EPB41L4B: variants seen among roughly 807,000 people sequenced by gnomAD.
The protein encoded by EPB41L4B is erythrocyte membrane protein band 4.1 like 4B, also known as band 4.1-like protein 4B.
In EPB41L4B, 30 loss-of-function variants were observed where a neutral mutation model predicts 112.5. The observed-to-expected ratio is 0.27, with a 90% CI of 0.20 to 0.36. EPB41L4B has a LOEUF of 0.36. Ranked by LOEUF, EPB41L4B falls within the 10% of genes least tolerant of loss-of-function variation. EPB41L4B has a pLI of 1.00. For synonymous variants in EPB41L4B, 408 were observed against 439.7 expected (o/e 0.93, Z 0.90); for missense variants, 1,024 against 1,133.3 (o/e 0.90, Z 1.38).
intron 15 of EPB41L4B, chr9:109,240,140 T>A (rs369216973): frequency 4.1e-6 from 4 of 984,968 alleles, no homozygotes; most frequent in Non-Finnish European, 3.6e-6. Flanking sequence ...TTAAAAAAAA[T>A]GAAGATGGAG....
intron 7 of EPB41L4B, among the ~76,000 whole-genome samples, chr9:109,257,187 T>C (rs1383146683): frequency 1.3e-5 from 2 of 152,096 alleles, no homozygotes; most frequent in Non-Finnish European, 2.9e-5. Context: ...TCCACTAAAA[T>C]AGTCACAGGA....
At chr9:109,243,212 CAAAAA>C (rs58092749) in intron 15 of EPB41L4B, among the ~76,000 whole-genome samples, 4 of 52,278 alleles carry the variant, frequency 7.7e-5, no homozygotes, top group Non-Finnish European at 1.2e-4. Flanking sequence ...CCCACCCCCG[CAAAAA>C]AAAAAAAAAA....
At chr9:109,288,740 A>AAAAAAAAAAAAAAAAAAAAC (rs1836404602) in intron 1 of EPB41L4B, among the ~76,000 whole-genome samples, 1 of 144,344 alleles carries the variant, frequency 6.9e-6, no homozygotes, top group Admixed American at 7.0e-5. Context: ...AAAAAAAAAA[A>AAAAAAAAAAAAAAAAAAAAC]AAAAAAAAAA....
At chr9:109,263,552 T>C (rs370120340) in intron 5 of EPB41L4B, among the ~76,000 whole-genome samples, 1 of 152,372 alleles carries the variant, frequency 6.6e-6, no homozygotes. Context: ...ACTGCCAGCA[T>C]GGCTGGATAC....
chr9:109,262,111 C>T (rs4978786), intron 6 of EPB41L4B, among the ~76,000 whole-genome samples: 71,371 of 151,990 alleles, frequency 0.47, 17,015 homozygotes, highest in East Asian at 0.67. Flanking sequence ...CACAGATAAA[C>T]GGCCAATGCT....
intron 11 of EPB41L4B, among the ~76,000 whole-genome samples, chr9:109,254,170 G>A (rs1021428293): frequency 2.0e-5 from 3 of 152,166 alleles, no homozygotes; most frequent in Non-Finnish European, 4.4e-5. Flanking sequence ...TACACTTCCA[G>A]AGGAGCAGAA....
rs77585438 is a variant in EPB41L4B, at chr9:109,282,038, C to T, written c.307-2117G>A. The stretch of plus-strand genomic sequence containing the variant: ...ATCAACAAAAGACAGTATAACTGTA[C>T]AATGGACTATCATTTGGCCGTAAAA... On this transcript the variant is annotated intron_variant, in intron 1 of 25. Coordinates refer to ENST00000374566, the MANE Select transcript of EPB41L4B (RefSeq NM_019114.5). 6.1e-3 allele frequency among the ~76,000 whole-genome samples: 930 copies of T among 152,256 alleles called. 11 individuals are homozygous for T. Among genetic ancestry groups the T allele is most frequent in the Middle Eastern group, 0.031 (9 of 294 alleles).
chr9:109,278,622 A>G (rs1010548562), intron 2 of EPB41L4B, among the ~76,000 whole-genome samples: 1 of 152,108 alleles, frequency 6.6e-6, no homozygotes, highest in Non-Finnish European at 1.5e-5. Flanking sequence ...AAACATCCTG[A>G]TCAGGGAACC....
intron 9 of EPB41L4B, 82 bp downstream of exon 9, chr9:109,256,054 A>G (rs987179801): frequency 1.8e-5 from 23 of 1,304,816 alleles, no homozygotes; most frequent in Non-Finnish European, 2.1e-5. Flanking sequence ...TGTTGCAGAT[A>G]CCCCTCAATA....
chr9:109,282,143 G>A (rs1836088542), intron 1 of EPB41L4B, among the ~76,000 whole-genome samples: 1 of 152,154 alleles, frequency 6.6e-6, no homozygotes, highest in Non-Finnish European at 1.5e-5. Flanking sequence ...CAGACACAAG[G>A]AGCCACCACA....
intron 20 of EPB41L4B, among the ~76,000 whole-genome samples, chr9:109,195,231 G>A (rs991374231): frequency 7.9e-5 from 12 of 152,188 alleles, no homozygotes; most frequent in African/African-American, 2.9e-4. Context: ...TTAGAATGAT[G>A]GCTGAGCTCA....
chr9:109,310,130 A>G (rs1047445969), intron 1 of EPB41L4B, among the ~76,000 whole-genome samples: 4 of 152,166 alleles, frequency 2.6e-5, no homozygotes, highest in African/African-American at 4.8e-5. Flanking sequence ...TCCACACAGG[A>G]TCAATTCCAG....
chr9:109,245,756 C>T (rs530365574), intron 14 of EPB41L4B, among the ~76,000 whole-genome samples: 2 of 152,294 alleles, frequency 1.3e-5, no homozygotes, highest in South Asian at 2.1e-4. Flanking sequence ...CTTCTCAGGA[C>T]GTTCTCTTCC....
At chr9:109,182,901 G>GC (rs1459355709) in intron 23 of EPB41L4B, 104 bp from the exon 24 acceptor site, 2 of 777,630 alleles carry the variant, frequency 2.6e-6, no homozygotes, top group East Asian at 2.6e-5. Context: ...ATTCAGGGGT[G>GC]CCCCCGCAGA....
In EPB41L4B at chr9:109,174,505, A is replaced by G. The variant is rs752085930; in HGVS notation, c.*49T>C. 2.6e-6 allele frequency: 4 copies of G among 1,529,710 alleles called. No individual in the cohort carries two copies. Among genetic ancestry groups the G allele is most frequent in the Non-Finnish European group, 3.6e-6 (4 of 1,103,058 alleles). The allele number at this position is 1,529,710 out of a possible 1,614,324, so 94.8% of individuals were successfully genotyped here. A position where few individuals can be genotyped will look rare whatever the true frequency, so the allele number is the denominator to read the frequency against. On this transcript the variant is annotated 3_prime_UTR_variant, in exon 26 of 26. Transcript: ENST00000374566. ...TGAGCACACAAAGCCCGAAGAAAGA[A>G]GACGGACAGAAGGCACCATGCCATC...
At chr9:109,272,122 C>T (rs2119101566) in intron 2 of EPB41L4B, among the ~76,000 whole-genome samples, 1 of 152,252 alleles carries the variant, frequency 6.6e-6, no homozygotes, top group South Asian at 2.1e-4. Context: ...TGACGAAACT[C>T]ATAACGGGAT....
At chr9:109,224,064 C>CAA (rs1833681885) in intron 15 of EPB41L4B, among the ~76,000 whole-genome samples, 1 of 150,406 alleles carries the variant, frequency 6.6e-6, no homozygotes, top group African/African-American at 2.5e-5. Flanking sequence ...ATAAAATAAA[C>CAA]CAGGGGAAAC....
At chr9:109,194,467 G>A in intron 20 of EPB41L4B, 70 bp from the exon 21 acceptor site, 1 of 1,517,632 alleles carries the variant, frequency 6.6e-7, no homozygotes, top group Non-Finnish European at 9.0e-7. Context: ...AGTGGACGGA[G>A]GATGGGCAGG....
intron 15 of EPB41L4B, among the ~76,000 whole-genome samples, chr9:109,223,968 G>A (rs967783466): frequency 5.3e-5 from 8 of 152,178 alleles, no homozygotes; most frequent in South Asian, 2.1e-4. Context: ...GCAGTGAGCC[G>A]AGATTGTGCC....
Sources: allele counts gnomAD v4.1 joint callset (sites outside exome capture counted in the v4.1 genomes callset), GRCh38; gene constraint gnomAD v4.1.1; transcripts MANE v1.5; gene names NCBI Gene and HGNC (gene_info 2026-07-23, HGNC 2026-07-21).